Variants in NRXN3 observed in about 807,000 individuals in gnomAD.
NRXN3 encodes neurexin III.
NRXN3 carries 32 observed loss-of-function variants against 137.6 expected under a neutral mutation model. The observed-to-expected ratio is 0.23, with a 90% CI of 0.18 to 0.31. The LOEUF is 0.31. Ranked by LOEUF, NRXN3 falls within the 10% of genes least tolerant of loss-of-function variation. The pLI is 1.00. For synonymous variants in NRXN3, 798 were observed against 784.5 expected, an observed-to-expected ratio of 1.02 and a Z score of -0.29; for missense variants, 1,574 against 2,062.5, an observed-to-expected ratio of 0.76 and a Z score of 4.59.
chr14:78,726,515 C>CTTTT lies in NRXN3; in HGVS notation c.2044+11393_2044+11396dup, dbSNP rs71452901. Among the ~76,000 whole-genome samples, 802 of 102,408 alleles carry CTTTT rather than the reference C, an allele frequency of 7.8e-3. 17 individuals are homozygous for CTTTT. Among genetic ancestry groups the CTTTT allele is most frequent in the African/African-American group, 0.011 (312 of 27,154 alleles). The allele number at this position is 102,408 out of a possible 152,430, so 67.2% of individuals were successfully genotyped here. A position where few individuals can be genotyped will look rare whatever the true frequency, so the allele number is the denominator to read the frequency against. ...CATAACATAACATTTACCATTTTAG[C>CTTTT]TTTTTTTTTTTTTTTTTTTTGAGAG... On this transcript the variant is annotated intron_variant, in intron 8 of 20. Coordinates refer to ENST00000335750, the MANE Select transcript of NRXN3 (RefSeq NM_001330195.2).
At position 79,864,724 on chromosome 14, in the gene NRXN3, G is replaced by C. The variant is rs117344574; in HGVS notation, c.*2760G>C. On this transcript the variant is annotated 3_prime_UTR_variant, in exon 21 of 21. Transcript: ENST00000335750. The stretch of plus-strand genomic sequence containing the variant: ...ATTATTGGATACTATGGTTTTGTTT[G>C]TTTGTTTTTGTTTTTTGTTTTTCGT... The C allele has an allele frequency of 0.021, 3,263 of 151,966 alleles. 51 individuals carry two copies. Among genetic ancestry groups the C allele is most frequent in the Non-Finnish European group, 0.031 (2,100 of 67,980 alleles). The allele number at this position is 151,966 out of a possible 1,614,324, so 9.4% of individuals were successfully genotyped here. A position where few individuals can be genotyped will look rare whatever the true frequency, so the allele number is the denominator to read the frequency against.
chr14:79,642,605 T>C (rs927035483), intron 16 of NRXN3, among the ~76,000 whole-genome samples: 1 of 134,914 alleles, frequency 7.4e-6, no homozygotes, highest in Admixed American at 7.9e-5. Flanking sequence ...CATGGTTCTG[T>C]GGCCAGCCCT....
intron 16 of NRXN3, among the ~76,000 whole-genome samples, chr14:79,488,325 T>A (rs1210135049): frequency 6.6e-6 from 1 of 152,206 alleles, no homozygotes; most frequent in Non-Finnish European, 1.5e-5. Context: ...ACAGTTTTTT[T>A]ATATAAGAAA....
chr14:78,244,456 A>G (rs1215787841), intron 2 of NRXN3, among the ~76,000 whole-genome samples: 1 of 151,910 alleles, frequency 6.6e-6, no homozygotes, highest in Non-Finnish European at 1.5e-5. Context: ...AAAGAAAAGA[A>G]ATTGGCAAAT....
At chr14:79,390,047 G>A (rs970964804) in intron 15 of NRXN3, among the ~76,000 whole-genome samples, 3 of 152,166 alleles carry the variant, frequency 2.0e-5, no homozygotes, top group African/African-American at 7.2e-5. Context: ...TCCAGGAGCG[G>A]TGGCTCACGC....
chr14:79,670,548 T>C (rs766457705), intron 17 of NRXN3, among the ~76,000 whole-genome samples: 7 of 152,056 alleles, frequency 4.6e-5, no homozygotes, highest in Non-Finnish European at 7.4e-5. Flanking sequence ...TATAGGACAC[T>C]TCACAAAAAA....
chr14:78,649,132 A>C, intron 5 of NRXN3: 1 of 473,086 alleles, frequency 2.1e-6, no homozygotes, highest in South Asian at 1.8e-5. Flanking sequence ...ACACAAGATC[A>C]TTCATGCAAT....
At chr14:79,755,553 A>G (rs2099016619) in intron 19 of NRXN3, among the ~76,000 whole-genome samples, 1 of 150,104 alleles carries the variant, frequency 6.7e-6, no homozygotes, top group Non-Finnish European at 1.5e-5. Flanking sequence ...TTTTTGCTAG[A>G]AGTAGTTTAC....
chr14:79,203,148 A>G (rs1210482000), intron 15 of NRXN3, among the ~76,000 whole-genome samples: 1 of 152,116 alleles, frequency 6.6e-6, no homozygotes, highest in African/African-American at 2.4e-5. Context: ...CACTGCCTGG[A>G]GGAAGATGGA....
intron 15 of NRXN3, among the ~76,000 whole-genome samples, chr14:79,265,989 A>C (rs2078412189): frequency 6.6e-6 from 1 of 152,188 alleles, no homozygotes; most frequent in South Asian, 2.1e-4. Flanking sequence ...GACAGGAAAA[A>C]TAAATAGTAG....
intron 19 of NRXN3, among the ~76,000 whole-genome samples, chr14:79,799,583 G>A (rs542155833): frequency 2.0e-5 from 3 of 152,226 alleles, no homozygotes; most frequent in Non-Finnish European, 4.4e-5. Flanking sequence ...CTTCCCTCCA[G>A]TCATCCTCTA....
chr14:79,707,257 G>T (rs1043249991), intron 19 of NRXN3, among the ~76,000 whole-genome samples: 2 of 152,178 alleles, frequency 1.3e-5, no homozygotes, highest in African/African-American at 2.4e-5. Flanking sequence ...TGTGTTAAAC[G>T]AATGAAAGTA....
chr14:78,335,367 A>G (rs2081338903), intron 4 of NRXN3, among the ~76,000 whole-genome samples: 2 of 152,126 alleles, frequency 1.3e-5, no homozygotes, highest in Admixed American at 1.3e-4. Flanking sequence ...ATCATCAGTT[A>G]TCTTTTCATA....
chr14:79,022,056 A>G (rs929727611), intron 15 of NRXN3, among the ~76,000 whole-genome samples: 1 of 152,200 alleles, frequency 6.6e-6, no homozygotes, highest in African/African-American at 2.4e-5. Context: ...ACAAAAATAT[A>G]TGTTATGTGA....
chr14:79,040,708 A>G (rs1475471586), intron 15 of NRXN3, among the ~76,000 whole-genome samples: 5 of 152,102 alleles, frequency 3.3e-5, no homozygotes, highest in African/African-American at 1.2e-4. Context: ...TGCCATTTTT[A>G]CAGTTGAATG....
intron 1 of NRXN3, among the ~76,000 whole-genome samples, chr14:78,194,791 G>C (rs985210691): frequency 6.6e-6 from 1 of 152,192 alleles, no homozygotes; most frequent in Non-Finnish European, 1.5e-5. Context: ...TCTTGGTCCT[G>C]GTCAGGCCAG....
At chr14:79,144,224 A>G (rs893308875) in intron 15 of NRXN3, among the ~76,000 whole-genome samples, 28 of 152,204 alleles carry the variant, frequency 1.8e-4, no homozygotes, top group African/African-American at 6.5e-4. Flanking sequence ...TTCTACTTCA[A>G]CACAGTCCCC....
chr14:78,583,075 A>G (rs1182064126), intron 4 of NRXN3, among the ~76,000 whole-genome samples: 1 of 152,124 alleles, frequency 6.6e-6, no homozygotes, highest in Admixed American at 6.5e-5. Context: ...CTGGGATACT[A>G]ACATTCACAC....
At chr14:79,117,374 T>C (rs2054618174) in intron 15 of NRXN3, among the ~76,000 whole-genome samples, 1 of 152,156 alleles carries the variant, frequency 6.6e-6, no homozygotes. Flanking sequence ...TTAAAGTAAT[T>C]GCAAAAATAG....
Sources: allele counts gnomAD v4.1 joint callset (sites outside exome capture counted in the v4.1 genomes callset), GRCh38; gene constraint gnomAD v4.1.1; transcripts MANE v1.5; gene names NCBI Gene and HGNC (gene_info 2026-07-23, HGNC 2026-07-21).